M1AP: variants seen among roughly 807,000 people sequenced by gnomAD.
M1AP encodes the protein meiosis 1 associated protein.
M1AP carries 39 observed loss-of-function variants against 51.2 expected under a neutral mutation model. That is an observed-to-expected ratio of 0.76 (90% CI 0.59 to 1.00). The LOEUF (loss-of-function observed/expected upper bound fraction) is 1.00. M1AP is among the 50% of genes least tolerant of loss of function. M1AP has a pLI of 0.00. For synonymous variants in M1AP, 251 were observed against 249.2 expected (o/e 1.01, Z -0.07); for missense variants, 545 against 641.2 (o/e 0.85, Z 1.62).
intron 4 of M1AP, among the ~76,000 whole-genome samples, chr2:74,597,757 T>C (rs1450465505): frequency 6.6e-6 from 1 of 152,222 alleles, no homozygotes; most frequent in African/African-American, 2.4e-5. Flanking sequence ...ATGACTTACA[T>C]ACCCAGTGAG....
intron 4 of M1AP, among the ~76,000 whole-genome samples, chr2:74,603,478 TAAG>T (rs1279644702): frequency 2.0e-5 from 3 of 152,220 alleles, no homozygotes; most frequent in East Asian, 1.9e-4. Context: ...GTCGTTGTTC[TAAG>T]AAGAAGTGAT....
At chr2:74,648,196 G>C in intron 1 of M1AP, 69 bp downstream of exon 1, 1 of 959,610 alleles carries the variant, frequency 1.0e-6, no homozygotes. Context: ...CCCACGCCCA[G>C]CCCAGCCTGC....
chr2:74,560,364 A>AGGAGTGTGAGGGGCTGGAG, intron 8 of M1AP, 73 bp from the exon 9 acceptor site: 1 of 1,459,534 alleles, frequency 6.9e-7, no homozygotes, highest in Non-Finnish European at 9.2e-7. Flanking sequence ...GTAGCGATCC[A>AGGAGTGTGAGGGGCTGGAG]GGAGTGTGAG....
chr2:74,626,883 C>A (rs1003113199), intron 2 of M1AP, among the ~76,000 whole-genome samples: 1 of 152,126 alleles, frequency 6.6e-6, no homozygotes, highest in African/African-American at 2.4e-5. Context: ...TCTTTTCAAT[C>A]TCCAGTATCA....
chr2:74,638,424 T>C (rs957308831), intron 2 of M1AP, among the ~76,000 whole-genome samples: 1 of 152,212 alleles, frequency 6.6e-6, no homozygotes, highest in Non-Finnish European at 1.5e-5. Flanking sequence ...TTTTTTTTAT[T>C]GTTTGAGGCA....
intron 2 of M1AP, among the ~76,000 whole-genome samples, chr2:74,636,478 C>A (rs1425416768): frequency 6.6e-6 from 1 of 151,872 alleles, no homozygotes; most frequent in East Asian, 1.9e-4. Flanking sequence ...TGTTAGCCTG[C>A]CAATTTATTT....
chr2:74,576,877 A>C, intron 5 of M1AP: 1 of 1,219,716 alleles, frequency 8.2e-7, no homozygotes, highest in Middle Eastern at 2.3e-4. Context: ...GTCTGACATG[A>C]TCTTTACTTG....
chr2:74,575,395 T>G, intron 7 of M1AP, 43 bp downstream of exon 7: 1 of 1,612,056 alleles, frequency 6.2e-7, no homozygotes, highest in South Asian at 1.1e-5. Context: ...GTTGGTACTT[T>G]AAAAACGATT....
At chr2:74,595,216 T>C (rs1055914017) in intron 4 of M1AP, among the ~76,000 whole-genome samples, 1 of 152,140 alleles carries the variant, frequency 6.6e-6, no homozygotes, top group African/African-American at 2.4e-5. Flanking sequence ...AGTCTCACTA[T>C]GCTGCCCAGG....
At chr2:74,645,358 C>G (rs1683544319) in intron 1 of M1AP, among the ~76,000 whole-genome samples, 1 of 152,168 alleles carries the variant, frequency 6.6e-6, no homozygotes, top group African/African-American at 2.4e-5. Context: ...TCAGCAAGAC[C>G]AAGAACCCAC....
At chr2:74,603,491 T>C (rs1466897475) in intron 4 of M1AP, among the ~76,000 whole-genome samples, 4 of 152,158 alleles carry the variant, frequency 2.6e-5, no homozygotes, top group East Asian at 1.9e-4. Flanking sequence ...GAAGAAGTGA[T>C]GTGGTTGTTC....
intron 2 of M1AP, among the ~76,000 whole-genome samples, chr2:74,636,407 G>A (rs538243454): frequency 1.3e-5 from 2 of 151,982 alleles, no homozygotes; most frequent in East Asian, 3.9e-4. Context: ...AATCAACTCT[G>A]CCAAGCCCTT....
intron 2 of M1AP, among the ~76,000 whole-genome samples, chr2:74,637,902 A>T (rs1166741697): frequency 6.6e-6 from 1 of 152,092 alleles, no homozygotes; most frequent in East Asian, 1.9e-4. Context: ...AGAGTTCTGT[A>T]TGTAGCTCCT....
chr2:74,569,145 T>C (rs1192937738), intron 7 of M1AP, among the ~76,000 whole-genome samples: 3 of 152,136 alleles, frequency 2.0e-5, no homozygotes, highest in Admixed American at 6.5e-5. Context: ...GATGAAAATA[T>C]GGAGAATTTC....
intron 2 of M1AP, among the ~76,000 whole-genome samples, chr2:74,635,571 T>C (rs1317804903): frequency 1.3e-5 from 2 of 152,074 alleles, no homozygotes; most frequent in Non-Finnish European, 2.9e-5. Flanking sequence ...TTTATATTAC[T>C]GATTTGACTT....
At chr2:74,620,450 C>T (rs1473814677) in intron 2 of M1AP, among the ~76,000 whole-genome samples, 2 of 152,192 alleles carry the variant, frequency 1.3e-5, no homozygotes, top group African/African-American at 4.8e-5. Flanking sequence ...TGCTGAACAA[C>T]CCCCACCTAA....
Position 74,575,447 on chromosome 2 carries a change from G to C in M1AP, c.1065C>G (p.His355Gln). ...GGACATGGGTACTCACCAGCAGGCT[G>C]TGACACAAAGCATGGAAATGTTGCT... is the stretch of plus-strand genomic sequence containing the variant. ...TNQQHFHALC[H>Q]SLLKREWLLL... The change falls in exon 7 of 11, where the codon CAC (histidine) becomes CAG (glutamine). Residue 355 changes from histidine (H) to glutamine (Q), a missense_variant. Coordinates refer to ENST00000421985, the MANE Select transcript of M1AP (RefSeq NM_001321739.2). 6.2e-7 allele frequency: 1 copy of C among 1,614,124 alleles called. No individual in the cohort carries two copies. Among genetic ancestry groups the C allele is most frequent in the Non-Finnish European group, 8.5e-7 (1 of 1,180,014 alleles).
chr2:74,585,232 G>A (rs1159623607), intron 4 of M1AP, among the ~76,000 whole-genome samples: 1 of 152,178 alleles, frequency 6.6e-6, no homozygotes, highest in African/African-American at 2.4e-5. Context: ...ACAGCGATGC[G>A]TGCTGGCAGT....
In M1AP at chr2:74,607,255, T is replaced by C. The variant is rs202196358; in HGVS notation, c.427-32A>G. The C allele has an allele frequency of 1.4e-3, 2,179 of 1,604,982 alleles. 5 individuals are homozygous for C. In the Middle Eastern group the frequency reaches 0.016, roughly 12 times the overall value. ...ATAAATCCAAGAATCAATGTGTCTA[T>C]TCTCCCTGATGTACAGAGTGAGGAA... On this transcript the variant is annotated intron_variant, in intron 3 of 10. Transcript: ENST00000421985.
Sources: allele counts gnomAD v4.1 joint callset (sites outside exome capture counted in the v4.1 genomes callset), GRCh38; gene constraint gnomAD v4.1.1; transcripts MANE v1.5; gene names NCBI Gene and HGNC (gene_info 2026-07-23, HGNC 2026-07-21).